ROBO2: variants seen among roughly 807,000 people sequenced by gnomAD.
The protein encoded by ROBO2 is roundabout homolog 2.
In ROBO2, 53 loss-of-function variants were observed where a neutral mutation model predicts 160.8. The observed-to-expected ratio is 0.33, with a 90% CI of 0.26 to 0.41. The LOEUF is 0.41. ROBO2 is among the 10% of genes least tolerant of loss of function. The pLI, the probability that ROBO2 is intolerant of heterozygous loss-of-function variation, is 1.00. For synonymous variants in ROBO2, 664 were observed against 611.7 expected (o/e 1.09, Z -1.26); for missense variants, 1,577 against 1,722.4 (o/e 0.92, Z 1.49).
chr3:77,525,239 T>G (rs1440771569), intron 6 of ROBO2, among the ~76,000 whole-genome samples: 4 of 7,976 alleles, frequency 5.0e-4, no homozygotes, highest in African/African-American at 5.3e-3. Context: ...CCACCTGCTG[T>G]TTTTTTTTTT....
intron 2 of ROBO2, among the ~76,000 whole-genome samples, chr3:77,307,380 T>A (rs1438260684): frequency 6.6e-6 from 1 of 152,202 alleles, no homozygotes; most frequent in African/African-American, 2.4e-5. Flanking sequence ...GAGTTTACCA[T>A]CTTGGCTAAG....
At chr3:77,550,906 G>A (rs183275260) in exon 8 of ROBO2, 15 of 1,612,960 alleles carry the variant, frequency 9.3e-6, no homozygotes, top group East Asian at 2.2e-5. Flanking sequence ...AACATTCAAC[G>A]TTCCGACGCG....
chr3:76,436,932 A>G (rs2076708359), intron 2 of ROBO2, among the ~76,000 whole-genome samples: 1 of 152,190 alleles, frequency 6.6e-6, no homozygotes, highest in South Asian at 2.1e-4. Context: ...TTTGTTAGCT[A>G]TGCTCATCGA....
In ROBO2 at chr3:76,267,850, A is replaced by G. The variant is rs138318979; in HGVS notation, c.109+330248A>G. 7.9e-3 allele frequency among the ~76,000 whole-genome samples: 1,196 copies of G among 152,268 alleles called. 7 individuals carry two copies. The highest frequency in any genetic ancestry group is 0.024 in the African/African-American group (1,015 of 41,558). On this transcript the variant is annotated intron_variant, in intron 2 of 26. Coordinates refer to the ROBO2 transcript ENST00000487694. ...ATCTTCACCCTAAAAGCAATTACTTACTCACTAACTAGCTAACCTTTGTAC... is the reference window on the plus strand; with the variant it reads ...ATCTTCACCCTAAAAGCAATTACTTGCTCACTAACTAGCTAACCTTTGTAC...
At chr3:76,925,529 G>A (rs925513241) in intron 2 of ROBO2, among the ~76,000 whole-genome samples, 2 of 152,080 alleles carry the variant, frequency 1.3e-5, no homozygotes, top group African/African-American at 2.4e-5. Flanking sequence ...TAGCTCACAT[G>A]TATTTCTGGA....
intron 2 of ROBO2, among the ~76,000 whole-genome samples, chr3:77,364,693 T>C (rs2070570083): frequency 6.6e-6 from 1 of 152,174 alleles, no homozygotes; most frequent in African/African-American, 2.4e-5. Context: ...ACATAAGAAG[T>C]AACTGTTATG....
intron 2 of ROBO2, among the ~76,000 whole-genome samples, chr3:77,151,942 C>A (rs555930883): frequency 6.6e-6 from 1 of 152,100 alleles, no homozygotes; most frequent in South Asian, 2.1e-4. Context: ...CAGTCCAATG[C>A]CTTTGCAAAT....
intron 2 of ROBO2, among the ~76,000 whole-genome samples, chr3:77,171,769 A>T (rs1020181084): frequency 2.0e-5 from 3 of 152,204 alleles, no homozygotes; most frequent in Non-Finnish European, 2.9e-5. Context: ...TTCTATAAAG[A>T]TTCTTCTGTC....
chr3:76,578,999 T>C (rs2085483696), intron 2 of ROBO2, among the ~76,000 whole-genome samples: 1 of 152,214 alleles, frequency 6.6e-6, no homozygotes, highest in African/African-American at 2.4e-5. Flanking sequence ...TGATTTTCTC[T>C]ATAATACATC....
chr3:76,683,147 G>A (rs1398523136), intron 2 of ROBO2, among the ~76,000 whole-genome samples: 1 of 151,972 alleles, frequency 6.6e-6, no homozygotes, highest in East Asian at 1.9e-4. Context: ...AGTAATTGTG[G>A]CATCCAGAGG....
chr3:76,029,472 C>A (rs918388349), intron 2 of ROBO2, among the ~76,000 whole-genome samples: 10 of 152,004 alleles, frequency 6.6e-5, no homozygotes, highest in African/African-American at 2.2e-4. Context: ...CCCATTAAAT[C>A]GTCATTTACA....
intron 2 of ROBO2, among the ~76,000 whole-genome samples, chr3:76,727,024 G>T (rs2093563276): frequency 6.6e-6 from 1 of 152,132 alleles, no homozygotes; most frequent in African/African-American, 2.4e-5. Context: ...TACATTCTTT[G>T]AGCATTTCTT....
chr3:77,519,994 C>T (rs1699387888), intron 5 of ROBO2, among the ~76,000 whole-genome samples: 2 of 151,286 alleles, frequency 1.3e-5, no homozygotes, highest in South Asian at 4.2e-4. Flanking sequence ...GAGATGGTAT[C>T]TCATTGTGGT....
chr3:76,358,855 C>T (rs1015658395), intron 2 of ROBO2, among the ~76,000 whole-genome samples: 1 of 151,320 alleles, frequency 6.6e-6, no homozygotes, highest in African/African-American at 2.4e-5. Context: ...ATGTGCCATG[C>T]TGGTGTGCTG....
chr3:77,473,856 T>G (rs2083662543), intron 2 of ROBO2, among the ~76,000 whole-genome samples: 1 of 152,184 alleles, frequency 6.6e-6, no homozygotes, highest in Admixed American at 6.5e-5. Context: ...AAATAATTTC[T>G]AGCTCCTATA....
intron 2 of ROBO2, among the ~76,000 whole-genome samples, chr3:76,384,016 A>G (rs1253993854): frequency 6.6e-6 from 1 of 152,224 alleles, no homozygotes; most frequent in African/African-American, 2.4e-5. Flanking sequence ...GCAGAAATGC[A>G]GAAGAGCGTC....
chr3:77,398,682 A>G (rs2075518956), intron 2 of ROBO2, among the ~76,000 whole-genome samples: 1 of 152,030 alleles, frequency 6.6e-6, no homozygotes, highest in Admixed American at 6.6e-5. Flanking sequence ...CCTGGGCTCA[A>G]GTGATCCTTC....
intron 2 of ROBO2, among the ~76,000 whole-genome samples, chr3:76,786,583 C>A (rs984157081): frequency 6.6e-6 from 1 of 151,264 alleles, no homozygotes. Flanking sequence ...AAACCACTCC[C>A]ATGATTCAAT....
chr3:77,328,112 T>C (rs2153438728), intron 2 of ROBO2, among the ~76,000 whole-genome samples: 1 of 151,152 alleles, frequency 6.6e-6, no homozygotes, highest in South Asian at 2.1e-4. Flanking sequence ...TTAGAAATGT[T>C]CCTGTTTACT....
Sources: gnomAD v4.1 joint callset for allele counts (sites outside exome capture counted in the v4.1 genomes callset) on GRCh38, gnomAD v4.1.1 for gene constraint, MANE v1.5 for transcripts, NCBI Gene and HGNC (gene_info 2026-07-23, HGNC 2026-07-21) for gene names.